TP63: variants seen among roughly 807,000 people sequenced by gnomAD.
The protein encoded by TP63 is tumor protein p63.
Under a neutral mutation model 82.8 loss-of-function variants are expected in TP63, and 17 were observed. The ratio of observed to expected loss-of-function variants is 0.21; its 90% CI spans 0.14 to 0.31. The LOEUF (loss-of-function observed/expected upper bound fraction) is 0.31. Ranked by LOEUF, TP63 falls within the 10% of genes least tolerant of loss-of-function variation. TP63 has a pLI of 1.00. For missense variants in TP63, 648 were observed against 895.3 expected (o/e 0.72, Z 3.52); for synonymous variants, 330 against 321.7 (o/e 1.03, Z -0.28).
At chr3:189,777,812 C>G (rs1259112535) in intron 3 of TP63, among the ~76,000 whole-genome samples, 5 of 133,140 alleles carry the variant, frequency 3.8e-5, no homozygotes, top group African/African-American at 1.1e-4. Context: ...AGTCTTTGGA[C>G]AGATGCTGAG....
chr3:189,667,018 A>G (rs1342176917), intron 1 of TP63, among the ~76,000 whole-genome samples: 7 of 129,810 alleles, frequency 5.4e-5, no homozygotes, highest in Admixed American at 3.9e-4. Flanking sequence ...ACAGGCTTAC[A>G]GTTTTTGAAA....
At chr3:189,883,551 G>A (rs1720145502) in intron 10 of TP63, among the ~76,000 whole-genome samples, 1 of 152,158 alleles carries the variant, frequency 6.6e-6, no homozygotes, top group Admixed American at 6.6e-5. Flanking sequence ...TGAGGCTGGA[G>A]GGAAACAGTG....
At chr3:189,837,217 T>C (rs374445194) in intron 4 of TP63, among the ~76,000 whole-genome samples, 43 of 151,328 alleles carry the variant, frequency 2.8e-4, no homozygotes, top group African/African-American at 7.3e-4. Flanking sequence ...CATTTTTTTT[T>C]TCTCTCTCTC....
At chr3:189,892,484 AG>A (rs1192906665) in intron 13 of TP63, among the ~76,000 whole-genome samples, 1 of 152,242 alleles carries the variant, frequency 6.6e-6, no homozygotes, top group African/African-American at 2.4e-5. Context: ...AAAGAATCCA[AG>A]AAACATAAAA....
intron 4 of TP63, among the ~76,000 whole-genome samples, chr3:189,835,741 C>T (rs1233655740): frequency 6.6e-6 from 1 of 151,742 alleles, no homozygotes; most frequent in African/African-American, 2.4e-5. Context: ...AGTGAAACCC[C>T]ATCTCTACTA....
At chr3:189,887,345 T>G (rs530710941) in intron 11 of TP63, among the ~76,000 whole-genome samples, 1 of 152,300 alleles carries the variant, frequency 6.6e-6, no homozygotes, top group South Asian at 2.1e-4. Flanking sequence ...ACTTAACATT[T>G]TATGTCTGTT....
chr3:189,678,395 A>G (rs916946785), intron 1 of TP63, among the ~76,000 whole-genome samples: 2 of 151,916 alleles, frequency 1.3e-5, no homozygotes, highest in Non-Finnish European at 2.9e-5. Context: ...TTGGTTGTAG[A>G]TATGTGGCTT....
At chr3:189,754,735 C>T (rs751345171) in intron 3 of TP63, among the ~76,000 whole-genome samples, 1 of 152,152 alleles carries the variant, frequency 6.6e-6, no homozygotes, top group Non-Finnish European at 1.5e-5. Context: ...AAGCTCACTA[C>T]AAAGAAAGCA....
At chr3:189,682,031 G>A (rs1043236092) in intron 1 of TP63, among the ~76,000 whole-genome samples, 36 of 152,212 alleles carry the variant, frequency 2.4e-4, no homozygotes, top group Non-Finnish European at 4.7e-4. Context: ...ACAGGAGTCC[G>A]AGACCAGCCT....
intron 10 of TP63, among the ~76,000 whole-genome samples, chr3:189,874,534 G>A (rs140670278): frequency 1.3e-3 from 200 of 152,186 alleles, no homozygotes; most frequent in African/African-American, 4.6e-3. Context: ...TTTTTGGCCC[G>A]AAGGGATCTC....
the TP63 span, among the ~76,000 whole-genome samples, chr3:189,602,055 C>T: frequency 6.6e-6 from 1 of 152,162 alleles, no homozygotes; most frequent in Non-Finnish European, 1.5e-5. Context: ...TTCTAGCTTA[C>T]TTCTGCCACT....
intron 3 of TP63, among the ~76,000 whole-genome samples, chr3:189,753,083 G>A (rs1721940879): frequency 6.6e-6 from 1 of 152,078 alleles, no homozygotes; most frequent in Non-Finnish European, 1.5e-5. Context: ...CTTGATGACT[G>A]TTTTATGGCA....
At chr3:189,859,283 G>T (rs1716706626) in intron 4 of TP63, among the ~76,000 whole-genome samples, 1 of 151,998 alleles carries the variant, frequency 6.6e-6, no homozygotes, top group South Asian at 2.1e-4. Flanking sequence ...CCTAAAAAGT[G>T]AAATTTCTGT....
intron 1 of TP63, among the ~76,000 whole-genome samples, chr3:189,704,769 C>T (rs527682454): frequency 2.6e-5 from 4 of 152,208 alleles, no homozygotes; most frequent in Middle Eastern, 3.2e-3. Context: ...GACACTCTCA[C>T]TGAATTTTGT....
chr3:189,618,448 A>G, the TP63 span, among the ~76,000 whole-genome samples: 2 of 152,132 alleles, frequency 1.3e-5, no homozygotes, highest in Non-Finnish European at 2.9e-5. Context: ...TATTCTATCA[A>G]CCATTCCCAG....
the TP63 span, among the ~76,000 whole-genome samples, chr3:189,623,524 AAAG>A: frequency 6.6e-6 from 1 of 152,216 alleles, no homozygotes; most frequent in Non-Finnish European, 1.5e-5. Context: ...GATAAAAGGA[AAAG>A]AAGATCATTC....
At chr3:189,855,689 T>A (rs1411880285) in intron 4 of TP63, among the ~76,000 whole-genome samples, 1 of 151,906 alleles carries the variant, frequency 6.6e-6, no homozygotes, top group Non-Finnish European at 1.5e-5. Flanking sequence ...GCCCCTAGTT[T>A]GTGTGTATAT....
At chr3:189,739,890 A>G (rs970658474) in intron 3 of TP63, among the ~76,000 whole-genome samples, 4 of 151,846 alleles carry the variant, frequency 2.6e-5, no homozygotes, top group South Asian at 4.2e-4. Flanking sequence ...GCGGGGTGTC[A>G]TAGAGTATCT....
intron 3 of TP63, among the ~76,000 whole-genome samples, chr3:189,774,286 C>A (rs777034918): frequency 3.6e-4 from 55 of 152,094 alleles, no homozygotes; most frequent in African/African-American, 9.7e-4. Context: ...AACAAAAAAA[C>A]CAAGTTCTTA....
Sources: allele counts gnomAD v4.1 joint callset (sites outside exome capture counted in the v4.1 genomes callset), GRCh38; gene constraint gnomAD v4.1.1; transcripts MANE v1.5; gene names NCBI Gene and HGNC (gene_info 2026-07-23, HGNC 2026-07-21).